Variants in SPATA13 observed in about 807,000 individuals in gnomAD.
SPATA13 encodes the protein spermatogenesis-associated protein 13.
In SPATA13, 50 loss-of-function variants were observed where a neutral mutation model predicts 104.0. That is an observed-to-expected ratio of 0.48 (90% CI 0.38 to 0.61). The LOEUF is 0.61. Among genes scored for constraint, SPATA13 ranks in the 20% least tolerant of loss-of-function variants. SPATA13 has a pLI of 0.00. For synonymous variants in SPATA13, 606 were observed against 667.5 expected (o/e 0.91, Z 1.42); for missense variants, 1,524 against 1,690.6 (o/e 0.90, Z 1.73).
intron 3 of SPATA13, among the ~76,000 whole-genome samples, chr13:24,041,351 A>G (rs7326287): frequency 0.4 from 61,628 of 152,170 alleles, 13,675 homozygotes; most frequent in African/African-American, 0.58. Flanking sequence ...TTTCAAGCTC[A>G]TTTTCCCTAT....
At chr13:24,059,008 G>T (rs770766007) in intron 3 of SPATA13, among the ~76,000 whole-genome samples, 1 of 151,626 alleles carries the variant, frequency 6.6e-6, no homozygotes, top group Non-Finnish European at 1.5e-5. Context: ...GTCTTGCTCT[G>T]TCACCCAGGC....
At chr13:24,191,436 G>C (rs1284435675) in intron 1 of SPATA13, among the ~76,000 whole-genome samples, 1 of 150,656 alleles carries the variant, frequency 6.6e-6, no homozygotes, top group Non-Finnish European at 1.5e-5. Context: ...CTGTGGTCTG[G>C]AACCAAACCT....
rs565851606 is a variant in SPATA13 at position 24,017,598 on chromosome 13, C to T, written c.-146-69C>T. 934 of 851,318 alleles carry T rather than the reference C, an allele frequency of 1.1e-3. 1 individual carries two copies. The highest frequency in any genetic ancestry group is 3.6e-3 in the Middle Eastern group (6 of 1,674). The allele number at this position is 851,318 out of a possible 1,614,324, so 52.7% of individuals were successfully genotyped here. On this transcript the variant is annotated intron_variant, in intron 2 of 14. Coordinates refer to the SPATA13 transcript ENST00000424834. ...ATCAGATAGACCCTGTCTGGCATTC[C>T]GATTTAACCTCAGCTAACCTGTTTT...
intron 2 of SPATA13, among the ~76,000 whole-genome samples, chr13:24,225,526 A>G (rs1272056140): frequency 1.3e-5 from 2 of 152,188 alleles, no homozygotes; most frequent in Non-Finnish European, 2.9e-5. Context: ...CATCACCTGC[A>G]TTACAGCAAG....
intron 3 of SPATA13, among the ~76,000 whole-genome samples, chr13:24,087,024 G>A (rs1879747548): frequency 6.6e-6 from 1 of 152,220 alleles, no homozygotes; most frequent in Admixed American, 6.5e-5. Flanking sequence ...TAATAAAGCA[G>A]AACAGCAATT....
chr13:24,169,665 G>A (rs1347880400), intron 1 of SPATA13, among the ~76,000 whole-genome samples: 1 of 152,194 alleles, frequency 6.6e-6, no homozygotes, highest in Non-Finnish European at 1.5e-5. Flanking sequence ...TTCTCAGCGG[G>A]AACTCAATTC....
intron 4 of SPATA13, among the ~76,000 whole-genome samples, chr13:24,253,644 T>C (rs971016268): frequency 6.6e-6 from 1 of 152,202 alleles, no homozygotes; most frequent in Admixed American, 6.5e-5. Flanking sequence ...GTGACGGCCC[T>C]GCAGAAGATG....
intron 3 of SPATA13, among the ~76,000 whole-genome samples, chr13:24,125,995 G>C (rs1881201304): frequency 6.6e-6 from 1 of 152,176 alleles, no homozygotes; most frequent in South Asian, 2.1e-4. Context: ...CTTGGGCCCT[G>C]TGGTTCTTGG....
At chr13:24,236,595 CA>C (rs60473362) in intron 2 of SPATA13, among the ~76,000 whole-genome samples, 2,715 of 118,140 alleles carry the variant, frequency 0.023, 60 homozygotes, top group African/African-American at 0.078. Flanking sequence ...GACTCCATCT[CA>C]AAAAAAAAAA....
chr13:24,262,309 C>CTG (rs1874096749), intron 4 of SPATA13, among the ~76,000 whole-genome samples: 1 of 138,330 alleles, frequency 7.2e-6, no homozygotes, highest in Admixed American at 7.2e-5. Context: ...AGTTTTTTTT[C>CTG]TTTTTTTTTT....
At chr13:24,244,769 G>A (rs1018111827) in intron 2 of SPATA13, among the ~76,000 whole-genome samples, 12 of 152,166 alleles carry the variant, frequency 7.9e-5, no homozygotes, top group African/African-American at 2.7e-4. Context: ...AAGCTGACAC[G>A]GGAGGATCAC....
chr13:24,060,544 T>G (rs1005004843), intron 3 of SPATA13, among the ~76,000 whole-genome samples: 35 of 152,146 alleles, frequency 2.3e-4, no homozygotes, highest in African/African-American at 8.4e-4. Context: ...ATGACAAAGA[T>G]GCCAAAAGCA....
intron 2 of SPATA13, among the ~76,000 whole-genome samples, chr13:23,989,162 G>T (rs777328638): frequency 3.3e-5 from 5 of 152,176 alleles, no homozygotes; most frequent in Non-Finnish European, 7.3e-5. Context: ...GGTGGCTCAT[G>T]CCTGTAATCC....
chr13:24,214,203 A>G (rs1465275838), intron 1 of SPATA13, among the ~76,000 whole-genome samples: 2 of 152,250 alleles, frequency 1.3e-5, no homozygotes, highest in African/African-American at 4.8e-5. Context: ...ACCCCAAAGC[A>G]GCCACCTGCA....
intron 7 of SPATA13, among the ~76,000 whole-genome samples, chr13:24,288,109 G>T (rs1458838626): frequency 1.3e-5 from 2 of 152,170 alleles, no homozygotes; most frequent in African/African-American, 4.8e-5. Flanking sequence ...AAGTGCCCAT[G>T]ATTATTGAGC....
chr13:24,233,302 G>C (rs1872385748), intron 2 of SPATA13, among the ~76,000 whole-genome samples: 1 of 152,174 alleles, frequency 6.6e-6, no homozygotes, highest in African/African-American at 2.4e-5. Flanking sequence ...AGGGACATTT[G>C]CCCTGATATG....
At chr13:24,018,815 G>T (rs1593279761) in intron 3 of SPATA13, among the ~76,000 whole-genome samples, 1 of 152,120 alleles carries the variant, frequency 6.6e-6, no homozygotes, top group African/African-American at 2.4e-5. Context: ...AGGTTCCAAC[G>T]TTTTGTGTAT....
At chr13:24,122,123 C>T in intron 3 of SPATA13, 1 of 1,612,726 alleles carries the variant, frequency 6.2e-7, no homozygotes, top group Admixed American at 1.7e-5. Flanking sequence ...AACTGGAGCA[C>T]TGAATTTGTA....
chr13:24,208,378 T>C (rs1321812891), intron 1 of SPATA13, among the ~76,000 whole-genome samples: 3 of 152,192 alleles, frequency 2.0e-5, no homozygotes, highest in Non-Finnish European at 2.9e-5. Flanking sequence ...TGGAATAAAA[T>C]ACAGAATATA....
Sources: gnomAD v4.1 joint callset for allele counts (sites outside exome capture counted in the v4.1 genomes callset) on GRCh38, gnomAD v4.1.1 for gene constraint, MANE v1.5 for transcripts, NCBI Gene and HGNC (gene_info 2026-07-23, HGNC 2026-07-21) for gene names.